ATP10D: variants seen among roughly 807,000 people sequenced by gnomAD.
The protein encoded by ATP10D is phospholipid-transporting ATPase VD.
In ATP10D, 89 loss-of-function variants were observed where a neutral mutation model predicts 144.8. That is an observed-to-expected ratio of 0.61 (90% CI 0.52 to 0.73). The LOEUF (loss-of-function observed/expected upper bound fraction) is 0.73. Among genes scored for constraint, ATP10D ranks in the 30% least tolerant of loss-of-function variants. The pLI, the probability that ATP10D is intolerant of heterozygous loss-of-function variation, is 0.00. For synonymous variants in ATP10D, 571 were observed against 615.1 expected (o/e 0.93, Z 1.06); for missense variants, 1,603 against 1,714.8 (o/e 0.93, Z 1.15).
At position 47,593,370 on chromosome 4, in the gene ATP10D, TAATC is replaced by T. The variant is rs1721126748; in HGVS notation, c.*1991_*1994del. 6.6e-6 allele frequency: 1 copy of T among 152,128 alleles called. No individual in the cohort carries two copies. The highest frequency in any genetic ancestry group is 1.5e-5 in the Non-Finnish European group (1 of 67,994). 9.4% of individuals were successfully genotyped at this position (152,128 alleles called of 1,614,324 possible). On this transcript the variant is annotated 3_prime_UTR_variant, in exon 23 of 23. Coordinates refer to ENST00000273859, the MANE Select transcript of ATP10D (RefSeq NM_020453.4). ...AGCTATTTATGTACTTTGCTTAATG[TAATC>T]ATTCATATACTTTGCTACAAAAATA...
intron 11 of ATP10D, 122 bp downstream of exon 11, chr4:47,555,036 T>C (rs1177714947): frequency 1.0e-5 from 9 of 879,274 alleles, no homozygotes; most frequent in African/African-American, 5.1e-5. Flanking sequence ...TGTATAACAC[T>C]GATTCAGCAT....
intron 10 of ATP10D, among the ~76,000 whole-genome samples, chr4:47,552,135 C>A (rs755553375): frequency 6.6e-6 from 1 of 152,138 alleles, no homozygotes; most frequent in Non-Finnish European, 1.5e-5. Context: ...GTTTTGCTGA[C>A]CAAAGCCACA....
chr4:47,544,501 T>C (rs749825147), intron 9 of ATP10D, among the ~76,000 whole-genome samples: 1 of 152,220 alleles, frequency 6.6e-6, no homozygotes, highest in Non-Finnish European at 1.5e-5. Context: ...TGGAAGGTCA[T>C]ACTGGGAAAC....
chr4:47,588,340 A>C (rs1720880178), intron 22 of ATP10D, among the ~76,000 whole-genome samples: 1 of 152,234 alleles, frequency 6.6e-6, no homozygotes, highest in African/African-American at 2.4e-5. Context: ...TTTTAAACAT[A>C]AATGAGACTC....
At chr4:47,510,047 C>A (rs1478030719) in intron 1 of ATP10D, among the ~76,000 whole-genome samples, 1 of 150,194 alleles carries the variant, frequency 6.7e-6, no homozygotes, top group Non-Finnish European at 1.5e-5. Flanking sequence ...ATTTCAAAAG[C>A]CTCTGATCTA....
rs373243846 is a variant in ATP10D at position 47,559,052 on chromosome 4, A to G, written c.2541+23A>G. The stretch of plus-strand genomic sequence containing the variant: ...AAGGTGAGACTGCTTAGTGCGCTCC[A>G]TCTTTTTTGTTTTTTCCCTTGTTTA... On this transcript the variant is annotated intron_variant, in intron 13 of 22. Coordinates refer to ENST00000273859, the MANE Select transcript of ATP10D (RefSeq NM_020453.4). 3 of 1,584,366 alleles carry G rather than the reference A, an allele frequency of 1.9e-6. No homozygotes were observed. The African/African-American group carries it at 4.1e-5, about 21-fold the overall frequency.
In ATP10D at chr4:47,515,683, G is replaced by C. The variant is rs1560419102; in HGVS notation, c.485+13G>C. On this transcript the variant is annotated intron_variant, in intron 3 of 22. Transcript: ENST00000273859. ...AAGTTTATAGTAGGTAAGTGTAATGGGACCTTTGCTAAGGACTATGTATGT... is the reference window on the plus strand; with the variant it reads ...AAGTTTATAGTAGGTAAGTGTAATGCGACCTTTGCTAAGGACTATGTATGT... The C allele has an allele frequency of 6.4e-7, 1 of 1,561,084 alleles. No homozygotes were observed. Among genetic ancestry groups the C allele is most frequent in the Non-Finnish European group, 8.8e-7 (1 of 1,134,538 alleles).
chr4:47,542,525 TG>T (rs1718190586), intron 9 of ATP10D, among the ~76,000 whole-genome samples: 1 of 152,210 alleles, frequency 6.6e-6, no homozygotes, highest in Admixed American at 6.5e-5. Flanking sequence ...CTCGCCAGGT[TG>T]CAGTGAAGTG....
chr4:47,569,189 A>G, intron 16 of ATP10D, 43 bp downstream of exon 16: 1 of 1,574,416 alleles, frequency 6.4e-7, no homozygotes, highest in East Asian at 2.2e-5. Context: ...TCCCTTTCAC[A>G]CCACACCAGA....
At chr4:47,506,126 G>GA (rs1409454992) in intron 1 of ATP10D, among the ~76,000 whole-genome samples, 2 of 151,890 alleles carry the variant, frequency 1.3e-5, no homozygotes, top group Non-Finnish European at 2.9e-5. Context: ...ATATCTTCTA[G>GA]AAAAAATACT....
chr4:47,581,313 T>C (rs546507629), intron 20 of ATP10D, among the ~76,000 whole-genome samples: 1 of 152,334 alleles, frequency 6.6e-6, no homozygotes, highest in African/African-American at 2.4e-5. Flanking sequence ...CATCCACATA[T>C]ACCCTTCTCC....
At chr4:47,575,710 G>C (rs1245633230) in intron 18 of ATP10D, among the ~76,000 whole-genome samples, 1 of 152,108 alleles carries the variant, frequency 6.6e-6, no homozygotes, top group Non-Finnish European at 1.5e-5. Context: ...GTCTCTCTGT[G>C]CCTCAGTATC....
chr4:47,511,400 A>G (rs1006358662), intron 1 of ATP10D, among the ~76,000 whole-genome samples: 3 of 152,126 alleles, frequency 2.0e-5, no homozygotes, highest in Non-Finnish European at 2.9e-5. Context: ...ACAACTACAT[A>G]TACTCAGAGG....
rs187144508 is a variant in ATP10D at position 47,554,735 on chromosome 4, G to A, written c.1645G>A (p.Val549Met). The change falls in exon 11 of 23, where the codon GTG (valine) becomes ATG (methionine). Residue 549 changes from valine to methionine, a missense_variant. By Grantham distance (21) the Val-to-Met change is conservative. Transcript: ENST00000273859. Reference protein sequence around the residue: ...AAFSSPIETDVVPDTRLLDKF... With the variant: ...AAFSSPIETDMVPDTRLLDKF... ...CTTATTGGATCTTCAGGAAACAGAC[G>A]TGGTACCAGACACCAGGCTTTTAGA... 4.7e-4 allele frequency: 763 copies of A among 1,608,318 alleles called. 6 individuals are homozygous for A. Among genetic ancestry groups the A allele is most frequent in the South Asian group, 4.1e-3 (373 of 90,116 alleles).
Position 47,576,877 on chromosome 4 carries a change from T to A in ATP10D, c.3471T>A (p.Ser1157=). ...VLIFFNLLFT[S]APPVIYGVLE... ...TCTTCTTCAACCTCCTCTTCACATC[T>A]GCCCCTCCTGTCATTTATGGTGTTT... Residue 1157 remains serine, a synonymous_variant, in exon 19 of 23, where the codon TCT becomes TCA. Coordinates refer to ENST00000273859, the MANE Select transcript of ATP10D (RefSeq NM_020453.4). The A allele has an allele frequency of 6.2e-7, 1 of 1,614,212 alleles. No individual in the cohort carries two copies. Among genetic ancestry groups the A allele is most frequent in the Non-Finnish European group, 8.5e-7 (1 of 1,180,028 alleles).
rs1257420954 is a variant in ATP10D, at chr4:47,557,932, A to G, written c.2093A>G (p.Gln698Arg). The change falls in exon 12 of 23, where the codon CAA (glutamine) becomes CGA (arginine). Residue 698 changes from glutamine to arginine, a missense_variant. Transcript: ENST00000273859. ...SSACCTETEK[Q>R]HGDAGLLNGK... Reference sequence around the variant, plus strand: ...GCTTGCTGCACAGAAACAGAGAAACAACACGGTGATGCAGGCCTCCTGAAT... The same window carrying G: ...GCTTGCTGCACAGAAACAGAGAAACGACACGGTGATGCAGGCCTCCTGAAT... The G allele has an allele frequency of 6.2e-7, 1 of 1,614,098 alleles. No individual in the cohort carries two copies. The highest frequency in any genetic ancestry group is 8.5e-7 in the Non-Finnish European group (1 of 1,180,054).
At position 47,515,664 on chromosome 4, in the gene ATP10D, A is replaced by G. The variant is rs889046802; in HGVS notation, c.479A>G (p.Tyr160Cys). 3.3e-5 allele frequency: 53 copies of G among 1,591,106 alleles called. No individual in the cohort carries two copies. Among genetic ancestry groups the G allele is most frequent in the Non-Finnish European group, 4.4e-5 (51 of 1,159,766 alleles). The change falls in exon 3 of 23, where the codon TAT becomes TGT. Residue 160 changes from tyrosine to cysteine, a missense_variant. Coordinates refer to ENST00000273859, the MANE Select transcript of ATP10D (RefSeq NM_020453.4). ...KQINNLITKV[Y>C]SRKEKKYIDR... is the part of the protein sequence containing the mutation. The stretch of plus-strand genomic sequence containing the variant: ...ATCAATAATTTAATAACTAAAGTTT[A>G]TAGTAGGTAAGTGTAATGGGACCTT...
At chr4:47,547,699 T>C (rs796794020) in intron 10 of ATP10D, 7 of 152,284 alleles carry the variant, frequency 4.6e-5, no homozygotes, top group African/African-American at 1.7e-4. Flanking sequence ...TGTTTCTACA[T>C]TGAATTTATC....
chr4:47,584,188 A>C (rs1219220317), intron 21 of ATP10D, among the ~76,000 whole-genome samples: 2 of 152,192 alleles, frequency 1.3e-5, no homozygotes, highest in African/African-American at 4.8e-5. Context: ...AATAAAAGCC[A>C]GCCATTCTGA....
Sources: allele counts gnomAD v4.1 joint callset (sites outside exome capture counted in the v4.1 genomes callset), GRCh38; gene constraint gnomAD v4.1.1; transcripts MANE v1.5; gene names NCBI Gene and HGNC (gene_info 2026-07-23, HGNC 2026-07-21).